SKAP2: variants seen among roughly 807,000 people sequenced by gnomAD.
SKAP2 encodes src kinase-associated phosphoprotein 2.
SKAP2 carries 28 observed loss-of-function variants against 54.9 expected under a neutral mutation model. That is an observed-to-expected ratio of 0.51 (90% CI 0.38 to 0.70). The LOEUF (loss-of-function observed/expected upper bound fraction) is 0.70. SKAP2 is among the 30% of genes least tolerant of loss of function. The pLI is 0.00. For missense variants in SKAP2, 356 were observed against 424.1 expected (o/e 0.84, Z 1.41); for synonymous variants, 137 against 134.3 (o/e 1.02, Z -0.14).
At chr7:26,779,123 T>A (rs994054076) in intron 4 of SKAP2, among the ~76,000 whole-genome samples, 6 of 152,022 alleles carry the variant, frequency 3.9e-5, no homozygotes, top group Non-Finnish European at 8.8e-5. Flanking sequence ...TGAATAGAAA[T>A]GTGAATTCAA....
chr7:26,840,448 C>G (rs1784797487), intron 4 of SKAP2, among the ~76,000 whole-genome samples: 1 of 152,020 alleles, frequency 6.6e-6, no homozygotes, highest in Admixed American at 6.6e-5. Context: ...AAAATGATTT[C>G]AGAATAGAAA....
At chr7:26,818,378 T>C (rs1193061196) in intron 4 of SKAP2, among the ~76,000 whole-genome samples, 2 of 152,190 alleles carry the variant, frequency 1.3e-5, no homozygotes, top group African/African-American at 4.8e-5. Context: ...GAAAACTGGC[T>C]AGCCATATGC....
intron 4 of SKAP2, among the ~76,000 whole-genome samples, chr7:26,802,835 C>G (rs1405807890): frequency 6.6e-6 from 1 of 151,878 alleles, no homozygotes; most frequent in Non-Finnish European, 1.5e-5. Context: ...GAGTCAAGAT[C>G]GCACTCCAGC....
intron 4 of SKAP2, among the ~76,000 whole-genome samples, chr7:26,751,776 T>A (rs75357349): frequency 0.037 from 5,550 of 151,912 alleles, 334 homozygotes; most frequent in African/African-American, 0.13. Context: ...TTTAGTAATA[T>A]ACTGCCTCCT....
chr7:26,799,039 G>C, intron 4 of SKAP2, among the ~76,000 whole-genome samples: 1 of 141,622 alleles, frequency 7.1e-6, no homozygotes, highest in African/African-American at 2.6e-5. Flanking sequence ...GAGGGGAAAA[G>C]AGGAGGGGAG....
intron 4 of SKAP2, among the ~76,000 whole-genome samples, chr7:26,835,923 C>T (rs968049963): frequency 5.9e-5 from 9 of 152,158 alleles, no homozygotes; most frequent in Non-Finnish European, 1.0e-4. Context: ...GGAGGCATCA[C>T]GCTATCTGAC....
intron 4 of SKAP2, 123 bp downstream of exon 4, chr7:26,843,907 G>C: frequency 3.3e-6 from 2 of 612,074 alleles, no homozygotes; most frequent in Non-Finnish European, 2.9e-6. Flanking sequence ...TTCCTTAAAA[G>C]GTTTTGGTAA....
chr7:26,856,930 G>GT (rs1365033581), intron 1 of SKAP2, among the ~76,000 whole-genome samples: 1 of 143,952 alleles, frequency 6.9e-6, no homozygotes, highest in Non-Finnish European at 1.5e-5. Context: ...GCCCCCAAGA[G>GT]TTTTTTTCTT....
intron 1 of SKAP2, among the ~76,000 whole-genome samples, chr7:26,859,550 T>TA (rs1294778570): frequency 6.6e-6 from 1 of 152,152 alleles, no homozygotes; most frequent in Non-Finnish European, 1.5e-5. Context: ...GTACAATGGG[T>TA]AAAAAATACC....
intron 4 of SKAP2, among the ~76,000 whole-genome samples, chr7:26,823,408 AGAGT>A (rs1168036044): frequency 2.2e-5 from 3 of 135,030 alleles, no homozygotes; most frequent in Non-Finnish European, 4.6e-5. Flanking sequence ...CCTCGGCAAC[AGAGT>A]GAGACTTTGT....
intron 6 of SKAP2, among the ~76,000 whole-genome samples, chr7:26,728,516 T>C (rs1345940897): frequency 6.6e-6 from 1 of 152,098 alleles, no homozygotes; most frequent in African/African-American, 2.4e-5. Flanking sequence ...GGGAAAAAAG[T>C]ATTAAAATGA....
chr7:26,822,554 T>C (rs910044826), intron 4 of SKAP2, among the ~76,000 whole-genome samples: 1 of 151,962 alleles, frequency 6.6e-6, no homozygotes, highest in Admixed American at 6.6e-5. Context: ...CCCTGAAACA[T>C]AACAACACTG....
At chr7:26,656,861 A>T in the SKAP2 span, among the ~76,000 whole-genome samples, 1 of 152,138 alleles carries the variant, frequency 6.6e-6, no homozygotes, top group Non-Finnish European at 1.5e-5. Context: ...AAGACCTTCT[A>T]CAAAAGCAAG....
At chr7:26,714,406 T>C (rs1190735562) in intron 9 of SKAP2, among the ~76,000 whole-genome samples, 3 of 152,216 alleles carry the variant, frequency 2.0e-5, no homozygotes, top group African/African-American at 7.2e-5. Context: ...CTAATGAAGT[T>C]CTAATAAAGA....
Position 26,793,417 on chromosome 7 carries a change from CCA to C in SKAP2, c.307+50611_307+50612del, listed in dbSNP as rs369275851. Reference sequence around the variant, plus strand: ...CCATACAAGAGAAGCCACTTCACCACCACAGTTTGTGGAAGGACTGATAACTC... The same window carrying C: ...CCATACAAGAGAAGCCACTTCACCACCAGTTTGTGGAAGGACTGATAACTC... On this transcript the variant is annotated intron_variant, in intron 4 of 12. Transcript: ENST00000345317. Among the ~76,000 whole-genome samples, 198 of 152,190 alleles carry C rather than the reference CCA, an allele frequency of 1.3e-3. 6 individuals carry two copies. The highest frequency in any genetic ancestry group is 1.5e-3 in the Non-Finnish European group (100 of 68,034).
At chr7:26,761,067 C>A (rs1427009361) in intron 4 of SKAP2, among the ~76,000 whole-genome samples, 1 of 151,960 alleles carries the variant, frequency 6.6e-6, no homozygotes, top group Non-Finnish European at 1.5e-5. Context: ...GAATGAAATG[C>A]GCGAAAGTGG....
chr7:26,749,709 C>G (rs1441379514), intron 4 of SKAP2, among the ~76,000 whole-genome samples: 1 of 150,704 alleles, frequency 6.6e-6, no homozygotes, highest in Non-Finnish European at 1.5e-5. Context: ...GCACTCCAGC[C>G]TGGGTGACAG....
At chr7:26,666,298 T>A (rs1467626584), downstream of SKAP2, among the ~76,000 whole-genome samples, 1 of 152,158 alleles carries the variant, frequency 6.6e-6, no homozygotes. Flanking sequence ...ACATGTATAT[T>A]AGGGTTAATT....
intron 4 of SKAP2, among the ~76,000 whole-genome samples, chr7:26,818,455 T>C (rs1407193962): frequency 6.6e-6 from 1 of 151,872 alleles, no homozygotes; most frequent in Non-Finnish European, 1.5e-5. Context: ...GATTAAAGAC[T>C]TAAAACCTAA....
Sources: gnomAD v4.1 joint callset for allele counts (sites outside exome capture counted in the v4.1 genomes callset) on GRCh38, gnomAD v4.1.1 for gene constraint, MANE v1.5 for transcripts, NCBI Gene and HGNC (gene_info 2026-07-23, HGNC 2026-07-21) for gene names.